The following SCAPER variants were observed in gnomAD, a reference collection of about 807,000 sequenced individuals.
SCAPER encodes the protein S-phase cyclin A associated protein in the ER.
In SCAPER, 98 loss-of-function variants were observed where a neutral mutation model predicts 182.2. That is an observed-to-expected ratio of 0.54 (90% CI 0.46 to 0.64). The LOEUF is 0.64. Ranked by LOEUF, SCAPER falls within the 30% of genes least tolerant of loss-of-function variation. The pLI is 0.00. For missense variants in SCAPER, 1,432 were observed against 1,690.0 expected (o/e 0.85, Z 2.68); for synonymous variants, 605 against 564.6 (o/e 1.07, Z -1.01).
intron 5 of SCAPER, among the ~76,000 whole-genome samples, chr15:76,807,559 T>C (rs1050266798): frequency 8.5e-5 from 13 of 152,154 alleles, no homozygotes; most frequent in African/African-American, 3.1e-4. Flanking sequence ...ATACTTTAAG[T>C]TTTAGGGTAC....
chr15:76,893,089 C>T (rs976380341), intron 1 of SCAPER, among the ~76,000 whole-genome samples: 6 of 152,192 alleles, frequency 3.9e-5, no homozygotes, highest in African/African-American at 1.2e-4. Flanking sequence ...CCAAACATCG[C>T]ATGTTCTCAC....
intron 27 of SCAPER, among the ~76,000 whole-genome samples, chr15:76,400,651 C>T (rs1436273133): frequency 6.6e-6 from 1 of 152,150 alleles, no homozygotes; most frequent in Non-Finnish European, 1.5e-5. Context: ...AGAGAAGTAG[C>T]TTACACTGAT....
chr15:76,575,454 G>A (rs2047747637), intron 22 of SCAPER, among the ~76,000 whole-genome samples: 1 of 152,180 alleles, frequency 6.6e-6, no homozygotes, highest in Non-Finnish European at 1.5e-5. Flanking sequence ...ATTGGAACAA[G>A]AAAATTTTCA....
intron 22 of SCAPER, among the ~76,000 whole-genome samples, chr15:76,609,650 T>C (rs1190109441): frequency 6.6e-6 from 1 of 152,256 alleles, no homozygotes. Context: ...CTGAATCTGA[T>C]GCTAGTTCAG....
intron 21 of SCAPER, among the ~76,000 whole-genome samples, chr15:76,637,736 ATATATATG>A (rs1372186608): frequency 3.4e-5 from 1 of 29,260 alleles, no homozygotes; most frequent in African/African-American, 9.7e-5. Context: ...ATATATATAT[ATATATATG>A]TGTGTGTGTG....
At chr15:76,812,568 C>T (rs3099142) in intron 5 of SCAPER, among the ~76,000 whole-genome samples, 20,265 of 149,790 alleles carry the variant, frequency 0.14, 1,399 homozygotes, top group African/African-American at 0.17. Context: ...AATGGCAAAA[C>T]CTTAGGGTGA....
chr15:76,490,340 G>A (rs1330775827), intron 24 of SCAPER, among the ~76,000 whole-genome samples: 1 of 152,178 alleles, frequency 6.6e-6, no homozygotes, highest in East Asian at 1.9e-4. Context: ...TAATGGGTGT[G>A]AGGTGCTATT....
At chr15:76,895,836 C>T (rs1037590257) in intron 1 of SCAPER, among the ~76,000 whole-genome samples, 5 of 151,962 alleles carry the variant, frequency 3.3e-5, no homozygotes, top group Admixed American at 3.3e-4. Context: ...GTCAGGAGAT[C>T]GAGACCATCC....
intron 23 of SCAPER, among the ~76,000 whole-genome samples, chr15:76,507,937 T>C (rs1439395168): frequency 6.6e-6 from 1 of 152,200 alleles, no homozygotes; most frequent in Non-Finnish European, 1.5e-5. Context: ...TATTATCATA[T>C]AATATACACA....
At chr15:76,757,904 CT>C (rs1363908379) in intron 14 of SCAPER, among the ~76,000 whole-genome samples, 1 of 152,084 alleles carries the variant, frequency 6.6e-6, no homozygotes, top group African/African-American at 2.4e-5. Context: ...TGGATTTCTC[CT>C]TTTGAGAAGT....
At chr15:76,874,944 T>A (rs1334958039) in intron 2 of SCAPER, among the ~76,000 whole-genome samples, 1 of 152,090 alleles carries the variant, frequency 6.6e-6, no homozygotes, top group Non-Finnish European at 1.5e-5. Flanking sequence ...CCAGCCTGGG[T>A]GTGACAGAGT....
At chr15:76,524,172 C>G (rs2043015345) in intron 23 of SCAPER, among the ~76,000 whole-genome samples, 1 of 152,098 alleles carries the variant, frequency 6.6e-6, no homozygotes, top group South Asian at 2.1e-4. Flanking sequence ...TTTCCTCTTA[C>G]AGCAAAAGCA....
At chr15:76,898,204 A>C (rs756712623) in intron 1 of SCAPER, among the ~76,000 whole-genome samples, 6 of 152,226 alleles carry the variant, frequency 3.9e-5, no homozygotes, top group Non-Finnish European at 8.8e-5. Context: ...CCACAATGAG[A>C]CATAACTTCG....
chr15:76,685,567 C>A (rs1253357564), intron 20 of SCAPER, among the ~76,000 whole-genome samples: 1 of 152,028 alleles, frequency 6.6e-6, no homozygotes, highest in Non-Finnish European at 1.5e-5. Flanking sequence ...AACGAATATT[C>A]TTAAAGGCCT....
chr15:76,902,902 CA>C (rs1205230818), intron 1 of SCAPER, among the ~76,000 whole-genome samples: 1 of 150,508 alleles, frequency 6.6e-6, no homozygotes, highest in Non-Finnish European at 1.5e-5. Context: ...ACTAAAAATA[CA>C]AAAAAAAATT....
At chr15:76,876,226 G>A (rs936093031) in intron 2 of SCAPER, among the ~76,000 whole-genome samples, 8 of 152,238 alleles carry the variant, frequency 5.3e-5, no homozygotes, top group Admixed American at 2.6e-4. Context: ...TGAGGGAGCC[G>A]GCTCTGGCCT....
chr15:76,832,063 G>C (rs1311327116), intron 5 of SCAPER, among the ~76,000 whole-genome samples: 1 of 152,136 alleles, frequency 6.6e-6, no homozygotes, highest in African/African-American at 2.4e-5. Flanking sequence ...AAAAATTCTG[G>C]CAATTCTCAA....
intron 25 of SCAPER, among the ~76,000 whole-genome samples, chr15:76,469,916 C>G (rs1297624575): frequency 7.7e-6 from 1 of 129,384 alleles, no homozygotes. Context: ...GCTAAAATAT[C>G]TTACTCATAT....
At chr15:76,431,941 G>T (rs1425772247) in intron 26 of SCAPER, among the ~76,000 whole-genome samples, 1 of 152,124 alleles carries the variant, frequency 6.6e-6, no homozygotes, top group African/African-American at 2.4e-5. Context: ...AAGGAGGAAG[G>T]TATTAGGGGA....
Sources: allele counts gnomAD v4.1 joint callset (sites outside exome capture counted in the v4.1 genomes callset), GRCh38; gene constraint gnomAD v4.1.1; transcripts MANE v1.5; gene names NCBI Gene and HGNC (gene_info 2026-07-23, HGNC 2026-07-21).